The following EMC8 variants were observed in gnomAD, a reference collection of about 807,000 sequenced individuals.
EMC8 encodes COX4 neighbor.
In EMC8, 11 loss-of-function variants were observed where a neutral mutation model predicts 24.3. That is an observed-to-expected ratio of 0.45 (90% CI 0.28 to 0.75). The LOEUF (loss-of-function observed/expected upper bound fraction) is 0.75. EMC8 is among the 30% of genes least tolerant of loss of function. EMC8 has a pLI of 0.12. For synonymous variants in EMC8, 145 were observed against 117.7 expected (o/e 1.23, Z -1.50); for missense variants, 277 against 282.7 (o/e 0.98, Z 0.14).
intron 3 of EMC8, 200 bp from the exon 4 acceptor site, chr16:85,780,673 C>T (rs1597198338): frequency 1.7e-6 from 1 of 584,226 alleles, no homozygotes; most frequent in Non-Finnish European, 3.1e-6. Flanking sequence ...TCAAGTCCTT[C>T]ATTGTTTTTT....
chr16:85,782,028 C>T (rs1274242137), intron 2 of EMC8: 2 of 152,268 alleles, frequency 1.3e-5, no homozygotes, highest in Non-Finnish European at 2.9e-5. Flanking sequence ...AACCAGAAAG[C>T]CCTGGTGACG....
intron 1 of EMC8, among the ~76,000 whole-genome samples, chr16:85,790,392 A>G (rs1904948609): frequency 6.6e-6 from 1 of 152,224 alleles, no homozygotes; most frequent in Non-Finnish European, 1.5e-5. Flanking sequence ...TGAACCAACT[A>G]GACATTCTGG....
Position 85,779,581 on chromosome 16 carries a change from G to A in EMC8, c.*127C>T, listed in dbSNP as rs942861509. On this transcript the variant is annotated 3_prime_UTR_variant, in exon 5 of 5. Transcript: ENST00000253457. The stretch of plus-strand genomic sequence containing the variant: ...ACTGAACATTCTGCCCCCTTTCAAG[G>A]CACATGCCACTTCTTAAAACGGTCA... The A allele has an allele frequency of 3.1e-6, 3 of 953,350 alleles. No individual in the cohort carries two copies. The Admixed American group carries it at 6.0e-5, about 19-fold the overall frequency. The allele number at this position is 953,350 out of a possible 1,614,324, so 59.1% of individuals were successfully genotyped here.
At chr16:85,784,056 T>C (rs987607695) in intron 2 of EMC8, among the ~76,000 whole-genome samples, 2 of 152,190 alleles carry the variant, frequency 1.3e-5, no homozygotes, top group South Asian at 2.1e-4. Flanking sequence ...TGGAGTGCAG[T>C]GGCGCGATCT....
chr16:85,797,201 A>C (rs1905273188), intron 1 of EMC8, among the ~76,000 whole-genome samples: 1 of 152,196 alleles, frequency 6.6e-6, no homozygotes, highest in African/African-American at 2.4e-5. Flanking sequence ...TGAGGTAAGG[A>C]GTTCAAGACC....
rs67499260 is a variant in EMC8, at chr16:85,780,073, GAATTCTGAGA to G, written c.474-216_474-207del. On this transcript the variant is annotated intron_variant, in intron 4 of 4. Transcript: ENST00000253457. Reference sequence around the variant, plus strand: ...ACATGGAAGGGACGCCTTTCACGTGGAATTCTGAGAAAGTTGGAGGCAGATGACTGAAGCT... The same window carrying G: ...ACATGGAAGGGACGCCTTTCACGTGGAAGTTGGAGGCAGATGACTGAAGCT... 3,583 of 604,456 alleles carry G rather than the reference GAATTCTGAGA, an allele frequency of 5.9e-3. 95 individuals are homozygous for G. Among genetic ancestry groups the G allele is most frequent in the African/African-American group, 0.058 (3,160 of 54,086 alleles). 37.4% of individuals were successfully genotyped at this position (604,456 alleles called of 1,614,324 possible). A position where few individuals can be genotyped will look rare whatever the true frequency, so the allele number is the denominator to read the frequency against.
At chr16:85,790,482 C>A (rs1348323304) in intron 1 of EMC8, among the ~76,000 whole-genome samples, 1 of 152,192 alleles carries the variant, frequency 6.6e-6, no homozygotes, top group Non-Finnish European at 1.5e-5. Flanking sequence ...GAAAACAACT[C>A]CAAAACGACT....
At chr16:85,786,998 C>T (rs141941584) in intron 2 of EMC8, among the ~76,000 whole-genome samples, 1 of 152,134 alleles carries the variant, frequency 6.6e-6, no homozygotes, top group Non-Finnish European at 1.5e-5. Flanking sequence ...CTTGCCCAGT[C>T]TCCTCTCCCT....
chr16:85,781,881 T>C (rs555572562), intron 2 of EMC8: 1 of 152,886 alleles, frequency 6.5e-6, no homozygotes, highest in Non-Finnish European at 1.5e-5. Flanking sequence ...TCTTGGTATT[T>C]TCCCTGACAG....
intron 3 of EMC8, 74 bp downstream of exon 3, chr16:85,781,137 C>T: frequency 1.9e-6 from 2 of 1,075,862 alleles, no homozygotes; most frequent in South Asian, 1.3e-5. Flanking sequence ...GGAAAGGAAA[C>T]CGCCGCAGAG....
intron 1 of EMC8, among the ~76,000 whole-genome samples, chr16:85,789,426 AG>A (rs1904903675): frequency 6.6e-6 from 1 of 152,180 alleles, no homozygotes; most frequent in Non-Finnish European, 1.5e-5. Context: ...AAGGAAACAA[AG>A]CTTAGAGAGG....
chr16:85,789,649 G>T (rs1904912902), intron 1 of EMC8, among the ~76,000 whole-genome samples: 1 of 152,034 alleles, frequency 6.6e-6, no homozygotes, highest in Non-Finnish European at 1.5e-5. Context: ...AAAATTAGCT[G>T]GGCGTGGTGG....
chr16:85,796,973 C>T (rs531521456), intron 1 of EMC8, among the ~76,000 whole-genome samples: 5 of 152,310 alleles, frequency 3.3e-5, no homozygotes, highest in East Asian at 1.9e-4. Context: ...CTCCTCAGCA[C>T]GGGCCTGGCA....
chr16:85,795,128 C>G (rs956000836), intron 1 of EMC8, among the ~76,000 whole-genome samples: 1 of 152,088 alleles, frequency 6.6e-6, no homozygotes, highest in African/African-American at 2.4e-5. Context: ...GCATTCACAT[C>G]CCATAGTCGG....
chr16:85,788,999 C>G lies in EMC8; in HGVS notation c.283G>C (p.Ala95Pro). The G allele has an allele frequency of 6.2e-7, 1 of 1,613,874 alleles. No individual in the cohort carries two copies. The highest frequency in any genetic ancestry group is 8.5e-7 in the Non-Finnish European group (1 of 1,179,736). Residue 95 changes from alanine (A) to proline (P), a missense_variant, in exon 2 of 5, where the codon GCT becomes CCT. By Grantham distance (27) the Ala-to-Pro change is conservative. Transcript: ENST00000253457. The stretch of plus-strand genomic sequence containing the variant: ...CTGGCATCCTTTACTCGCTCATTAG[C>G]TTGATAATAACCAGCAATCACGTAG... ...HSYVIAGYYQ[A>P]NERVKDASPN...
At chr16:85,789,175 T>G in intron 1 of EMC8, 125 bp from the exon 2 acceptor site, 2 of 713,628 alleles carry the variant, frequency 2.8e-6, no homozygotes, top group Non-Finnish European at 5.0e-6. Context: ...CCTCATACCC[T>G]ACACCCCAGA....
intron 2 of EMC8, 81 bp from the exon 3 acceptor site, chr16:85,781,361 C>G (rs1217982435): frequency 1.7e-5 from 15 of 899,696 alleles, no homozygotes; most frequent in Non-Finnish European, 2.6e-5. Context: ...ACCACTGAGA[C>G]TTAACAAGCA....
chr16:85,793,981 C>G (rs1442387168), intron 1 of EMC8, among the ~76,000 whole-genome samples: 1 of 151,968 alleles, frequency 6.6e-6, no homozygotes, highest in Non-Finnish European at 1.5e-5. Context: ...TAATGAAAAG[C>G]CTTTCAAAGG....
chr16:85,780,194 C>A (rs958357616), intron 4 of EMC8, 185 bp downstream of exon 4: 1 of 616,702 alleles, frequency 1.6e-6, no homozygotes, highest in Non-Finnish European at 2.9e-6. Flanking sequence ...CCTGTGGGTA[C>A]CACTGAGGTT....
Sources: gnomAD v4.1 joint callset for allele counts (sites outside exome capture counted in the v4.1 genomes callset) on GRCh38, gnomAD v4.1.1 for gene constraint, MANE v1.5 for transcripts, NCBI Gene and HGNC (gene_info 2026-07-23, HGNC 2026-07-21) for gene names.